The following ITGA10 variants were observed in gnomAD, a reference collection of about 807,000 sequenced individuals.
ITGA10 encodes integrin subunit alpha 10.
ITGA10 carries 105 observed loss-of-function variants against 145.2 expected under a neutral mutation model. The observed-to-expected ratio is 0.72, with a 90% CI of 0.62 to 0.85. The LOEUF (loss-of-function observed/expected upper bound fraction) is 0.85. Ranked by LOEUF, ITGA10 falls within the 40% of genes least tolerant of loss-of-function variation. The probability of loss-of-function intolerance (pLI) is 0.00; values close to 1 mark genes in which losing one functional copy is unlikely to be tolerated. For synonymous variants in ITGA10, 506 were observed against 557.8 expected, an observed-to-expected ratio of 0.91 and a Z score of 1.31; for missense variants, 1,317 against 1,444.5, an observed-to-expected ratio of 0.91 and a Z score of 1.43.
Position 145,900,283 on chromosome 1 carries a change from T to C in ITGA10, c.1792-96A>G, listed in dbSNP as rs190861122. The C allele has an allele frequency of 6.8e-3, 9,126 of 1,343,374 alleles. 88 individuals are homozygous for C. The highest frequency in any genetic ancestry group is 0.032 in the South Asian group (2,069 of 65,376). The allele number at this position is 1,343,374 out of a possible 1,614,324, so 83.2% of individuals were successfully genotyped here. On this transcript the variant is annotated intron_variant, in intron 14 of 29. Transcript: ENST00000369304. ...TTTCTTTTTATTTATTTATTTATTT[T>C]TGAGATGGAGTTTCACTCTTGTTGC...
rs587664363 is a variant in ITGA10, at chr1:145,897,304, A to G, written c.2610T>C (p.Pro870=). 4 of 1,614,164 alleles carry G rather than the reference A, an allele frequency of 2.5e-6. No individual in the cohort carries two copies. In the African/African-American group the frequency reaches 5.3e-5, roughly 22 times the overall value. The change falls in exon 21 of 30, where the codon CCT becomes CCC. Residue 870 remains proline, a synonymous_variant. Coordinates refer to ENST00000369304, the MANE Select transcript of ITGA10 (RefSeq NM_003637.5). ...ESPIKVECAA[P]SAHARLCSVG... ...CACTGCAGAGCCGGGCATGAGCAGA[A>G]GGGGCGGCACATTCCACCTTTATTG...
At position 145,902,319 on chromosome 1, in the gene ITGA10, C is replaced by A. The variant is rs782505616; in HGVS notation, c.1076G>T (p.Gly359Val). The A allele has an allele frequency of 1.9e-6, 3 of 1,614,012 alleles. No homozygotes were observed. The highest frequency in any genetic ancestry group is 2.5e-6 in the Non-Finnish European group (3 of 1,179,910). Residue 359 changes from glycine to valine, a missense_variant and splice_region_variant, in exon 10 of 30, where the codon GGG becomes GTG. Coordinates refer to ENST00000369304, the MANE Select transcript of ITGA10 (RefSeq NM_003637.5). ...ALGDRIFGLE[G>V]SHAENESSFG... The stretch of plus-strand genomic sequence containing the variant: ...GGAGCTTTCGTTTTCTGCATGGGAC[C>A]CTTGGTCATGAGAAAACATTGAGAC...
chr1:145,901,814 C>A lies in ITGA10; in HGVS notation c.1294+63G>T. 1 of 1,601,894 alleles carries A rather than the reference C, an allele frequency of 6.2e-7. No homozygotes were observed. Among genetic ancestry groups the A allele is most frequent in the Non-Finnish European group, 8.5e-7 (1 of 1,171,972 alleles). ...GTTAAGAGGGAGTATTTCATACCCGCCCCCACTAGGGATGTATTTCCTCCC... is the reference window on the plus strand; with the variant it reads ...GTTAAGAGGGAGTATTTCATACCCGACCCCACTAGGGATGTATTTCCTCCC... On this transcript the variant is annotated intron_variant, in intron 11 of 29. Transcript: ENST00000369304. The surrounding 1 kb of genome is among the most constrained non-coding windows in gnomAD (Gnocchi z 4.3).
rs782550250 is a variant in ITGA10, at chr1:145,901,945, A to C, written c.1226T>G (p.Leu409Arg). 1.2e-6 allele frequency: 2 copies of C among 1,614,112 alleles called. No individual in the cohort carries two copies. The highest frequency in any genetic ancestry group is 1.1e-5 in the South Asian group (1 of 91,082). ...TTCCAGTGCCATTCGTGGGGGGAAAAGGCGGTGGCCTCCTTCAAGCCATAG... is the reference window on the plus strand; with the variant it reads ...TTCCAGTGCCATTCGTGGGGGGAAACGGCGGTGGCCTCCTTCAAGCCATAG... The part of the protein sequence containing the change: ...SVLWLEGGHR[L>R]FPPRMALEDE... Residue 409 changes from leucine to arginine, a missense_variant, in exon 11 of 30, where the codon CTT becomes CGT. Physicochemically the swap from Leu to Arg is moderately radical, Grantham distance 102. Coordinates refer to ENST00000369304, the MANE Select transcript of ITGA10 (RefSeq NM_003637.5). This position sits in a 1 kb window ranked among gnomAD's most constrained non-coding sequence, Gnocchi z 4.3.
intron 6 of ITGA10, 117 bp downstream of exon 6, chr1:145,904,567 G>A (rs1553750431): frequency 1.9e-6 from 2 of 1,054,584 alleles, no homozygotes; most frequent in African/African-American, 3.2e-5. Flanking sequence ...TAGAGATGAG[G>A]TCTCACTGTA....
In ITGA10 at chr1:145,901,675, G is replaced by T. The variant is rs781851201; in HGVS notation, c.1295-11C>A. Reference sequence around the variant, plus strand: ...AAGAAACAGAGTAACCTAGAAGTGGGCAAAGTAACAGAGGTAAAGGAAAAG... The same window carrying T: ...AAGAAACAGAGTAACCTAGAAGTGGTCAAAGTAACAGAGGTAAAGGAAAAG... On this transcript the variant is annotated splice_polypyrimidine_tract_variant and intron_variant, in intron 11 of 29. Coordinates refer to ENST00000369304, the MANE Select transcript of ITGA10 (RefSeq NM_003637.5). This position sits in a 1 kb window ranked among gnomAD's most constrained non-coding sequence, Gnocchi z 4.3. 1.3e-6 allele frequency: 2 copies of T among 1,551,406 alleles called. No individual in the cohort carries two copies. Among genetic ancestry groups the T allele is most frequent in the Admixed American group, 4.0e-5 (2 of 49,930 alleles).
chr1:145,901,280 T>C lies in ITGA10; in HGVS notation c.1444-2A>G. On this transcript the variant is annotated splice_acceptor_variant, in intron 12 of 29. Coordinates refer to ENST00000369304, the MANE Select transcript of ITGA10 (RefSeq NM_003637.5). LOFTEE classifies it high-confidence loss of function. The surrounding 1 kb of genome is among the most constrained non-coding windows in gnomAD (Gnocchi z 4.3). ...CTCACTGCCAAAGTATGAACCAATC[T>C]GGGGAATGGTGGGTGATGATGACCC... 2 of 1,613,934 alleles carry C rather than the reference T, an allele frequency of 1.2e-6. No homozygotes were observed. Among genetic ancestry groups the C allele is most frequent in the Non-Finnish European group, 8.5e-7 (1 of 1,179,918 alleles).
intron 25 of ITGA10, 93 bp from the exon 26 acceptor site, chr1:145,895,804 T>A (rs1301017895): frequency 4.2e-6 from 5 of 1,189,520 alleles, no homozygotes; most frequent in South Asian, 2.6e-5. Flanking sequence ...TTGTAGTTCT[T>A]CCCCTTATAA....
chr1:145,906,661 TC>T, intron 4 of ITGA10, 71 bp downstream of exon 4: 1 of 1,376,790 alleles, frequency 7.3e-7, no homozygotes, highest in Non-Finnish European at 1.0e-6. Flanking sequence ...CAGACCATTT[TC>T]CCTTACCACA....
At position 145,900,967 on chromosome 1, in the gene ITGA10, T is replaced by C. The variant is rs782168686; in HGVS notation, c.1614A>G (p.Thr538=). The C allele has an allele frequency of 3.7e-6, 6 of 1,613,966 alleles. No homozygotes were observed. Among genetic ancestry groups the C allele is most frequent in the Non-Finnish European group, 5.1e-6 (6 of 1,180,028 alleles). Residue 538 remains threonine, a synonymous_variant, in exon 14 of 30, where the codon ACA becomes ACG. Coordinates refer to ENST00000369304, the MANE Select transcript of ITGA10 (RefSeq NM_003637.5). ...CATCCTGGGGGGGTTCTGGCTGAAGTGTTCCTTGGAGGGTCAGCAAGGACT... is the reference window on the plus strand; with the variant it reads ...CATCCTGGGGGGGTTCTGGCTGAAGCGTTCCTTGGAGGGTCAGCAAGGACT... ...GQQSLLTLQG[T]LQPEPPQDAR...
At chr1:145,898,005 A>G in intron 18 of ITGA10, 105 bp from the exon 19 acceptor site, 1 of 1,268,030 alleles carries the variant, frequency 7.9e-7, no homozygotes, top group Non-Finnish European at 1.2e-6. Flanking sequence ...TGATTAGAGG[A>G]GCCCAGGTCA....
chr1:145,907,643 C>G, intron 1 of ITGA10, 178 bp from the exon 2 acceptor site: 2 of 981,032 alleles, frequency 2.0e-6, no homozygotes, highest in South Asian at 9.4e-5. Flanking sequence ...TGATTCCCTT[C>G]CTGTGTTTGT....
In ITGA10 at chr1:145,896,851, G is replaced by A; in HGVS notation, c.2752C>T (p.Leu918=). 6.2e-7 allele frequency: 1 copy of A among 1,613,570 alleles called. No individual in the cohort carries two copies. Among genetic ancestry groups the A allele is most frequent in the South Asian group, 1.1e-5 (1 of 91,056 alleles). The change falls in exon 23 of 30, where the codon CTG becomes TTG. Residue 918 remains leucine (L), a synonymous_variant. Coordinates refer to ENST00000369304, the MANE Select transcript of ITGA10 (RefSeq NM_003637.5). ...FVKLTASSDS[L]ERNGTLQDNT... ...TCTTGAAGGGTCCCATTTCTCTCCA[G>A]GCTGTCACTGTAGGGTCAGAGGGGA...
At position 145,901,469 on chromosome 1, in the gene ITGA10, G is replaced by A. The variant is rs1553748392; in HGVS notation, c.1443+47C>T. On this transcript the variant is annotated intron_variant, in intron 12 of 29. Transcript: ENST00000369304. The surrounding 1 kb of genome is among the most constrained non-coding windows in gnomAD (Gnocchi z 4.3). ...CTTCACACTCCTCCCCAACAGCCCA[G>A]AGGTCCCTGGGAATCCAAAGGTCCC... 2 of 1,529,168 alleles carry A rather than the reference G, an allele frequency of 1.3e-6. No homozygotes were observed. Among genetic ancestry groups the A allele is most frequent in the Non-Finnish European group, 1.8e-6 (2 of 1,140,250 alleles). The allele number at this position is 1,529,168 out of a possible 1,614,324, so 94.7% of individuals were successfully genotyped here.
At chr1:145,899,366 TC>T (rs781834731) in intron 15 of ITGA10, 25 bp from the exon 16 acceptor site, 2 of 1,607,800 alleles carry the variant, frequency 1.2e-6, no homozygotes. Context: ...GAAAAGAAAT[TC>T]TAGCAGTAGG....
intron 10 of ITGA10, 61 bp from the exon 11 acceptor site, chr1:145,902,082 C>T (rs1345127327): frequency 7.8e-6 from 12 of 1,547,654 alleles, no homozygotes; most frequent in South Asian, 1.1e-5. Flanking sequence ...AGAAAAAAAA[C>T]GTTCCAGGAG....
rs1553749609 is a variant in ITGA10 at position 145,902,927 on chromosome 1, G to A, written c.793C>T (p.Pro265Ser). 8.7e-6 allele frequency: 14 copies of A among 1,612,562 alleles called. No individual in the cohort carries two copies. The East Asian group carries it at 2.9e-4, about 33-fold the overall frequency. The change falls in exon 8 of 30, where the codon CCC becomes TCC. Residue 265 changes from proline to serine, a missense_variant. Coordinates refer to ENST00000369304, the MANE Select transcript of ITGA10 (RefSeq NM_003637.5). ...ACCACCAGTAGCCTGGCAGCCTCGGGTCGGCCCCCATGGGACTGACTGAAC... is the reference window on the plus strand; with the variant it reads ...ACCACCAGTAGCCTGGCAGCCTCGGATCGGCCCCCATGGGACTGACTGAAC... ...EGFSQSHGGR[P>S]EAARLLVVVT...
At chr1:145,898,280 T>G (rs1655729796) in intron 17 of ITGA10, 57 bp from the exon 18 acceptor site, 3 of 1,078,542 alleles carry the variant, frequency 2.8e-6, no homozygotes, top group South Asian at 2.5e-5. Flanking sequence ...ATAATTGTAG[T>G]GATCATTTAT....
rs373303883 is a variant in ITGA10, at chr1:145,900,138, C to T, written c.1841G>A (p.Ser614Asn). The T allele has an allele frequency of 1.4e-5, 22 of 1,614,014 alleles. No homozygotes were observed. Among genetic ancestry groups the T allele is most frequent in the Non-Finnish European group, 3.4e-6 (4 of 1,180,004 alleles). Residue 614 changes from serine to asparagine, a missense_variant, in exon 15 of 30, where the codon AGT becomes AAT. Transcript: ENST00000369304. ...ATCCAGATCTAGCCGACCATCCACA[C>T]TTCGGCCAAAGTAGCTGAGGGCATG... ...MPHALSYFGR[S>N]VDGRLDLDGD... is the part of the protein sequence containing the mutation.
Sources: gnomAD v4.1 joint callset for allele counts on GRCh38, gnomAD v4.1.1 for gene constraint, Gnocchi (gnomAD v3.1) non-coding constraint, MANE v1.5 for transcripts, NCBI Gene and HGNC (gene_info 2026-07-23, HGNC 2026-07-21) for gene names.